Variants in ATF7 observed in about 807,000 individuals in gnomAD.
The protein encoded by ATF7 is cyclic AMP-dependent transcription factor ATF-7.
Under a neutral mutation model 50.4 loss-of-function variants are expected in ATF7, and 10 were observed. The ratio of observed to expected loss-of-function variants is 0.20; its 90% CI spans 0.12 to 0.34. ATF7 has a LOEUF of 0.34. Ranked by LOEUF, ATF7 falls within the 10% of genes least tolerant of loss-of-function variation. ATF7 has a pLI of 1.00. For synonymous variants in ATF7, 201 were observed against 226.4 expected (o/e 0.89, Z 1.01); for missense variants, 465 against 613.9 (o/e 0.76, Z 2.56).
chr12:53,607,024 C>T (rs1432229952), intron 1 of ATF7, among the ~76,000 whole-genome samples: 1 of 152,154 alleles, frequency 6.6e-6, no homozygotes. Context: ...TATAAACATA[C>T]GTGTGCATGT....
chr12:53,598,856 T>C (rs976431241), intron 2 of ATF7, among the ~76,000 whole-genome samples: 4 of 151,862 alleles, frequency 2.6e-5, no homozygotes, highest in Admixed American at 2.6e-4. Context: ...AGTTCAGGAG[T>C]AGTTTAAACA....
intron 11 of ATF7, among the ~76,000 whole-genome samples, chr12:53,518,065 A>G (rs1375893691): frequency 6.6e-6 from 1 of 151,130 alleles, no homozygotes; most frequent in African/African-American, 2.4e-5. Flanking sequence ...GGGTTTTGCC[A>G]CGTTAGCTAG....
At chr12:53,594,331 G>A (rs1943065083) in intron 2 of ATF7, among the ~76,000 whole-genome samples, 1 of 152,194 alleles carries the variant, frequency 6.6e-6, no homozygotes, top group Non-Finnish European at 1.5e-5. Context: ...AGGAAAACAA[G>A]AGGGAATAAC....
At chr12:53,601,447 A>AT (rs1257645020) in intron 1 of ATF7, among the ~76,000 whole-genome samples, 5 of 152,156 alleles carry the variant, frequency 3.3e-5, no homozygotes, top group Admixed American at 3.3e-4. Context: ...GGGGTGCTCC[A>AT]TTTTACAGGG....
chr12:53,594,144 G>A (rs992251340), intron 2 of ATF7, among the ~76,000 whole-genome samples: 2 of 152,228 alleles, frequency 1.3e-5, no homozygotes, highest in African/African-American at 4.8e-5. Context: ...TGAAAGACAG[G>A]CTCTAAGATT....
chr12:53,587,850 T>A lies in ATF7; in HGVS notation c.48+13103A>T, dbSNP rs1196631053. Among the ~76,000 whole-genome samples the A allele has an allele frequency of 2.6e-3, 337 of 130,324 alleles. 4 individuals are homozygous for A. In the East Asian group the frequency reaches 0.041, roughly 16 times the overall value. 85.5% of individuals were successfully genotyped at this position (130,324 alleles called of 152,430 possible). ...ATATATATATATATATATATTTTTT[T>A]TTTTTTTTCTTTTTGACACGAAGTC... is the stretch of plus-strand genomic sequence containing the variant. On this transcript the variant is annotated intron_variant, in intron 2 of 11. Transcript: ENST00000420353.
rs1944159530 is a variant in ATF7, at chr12:53,512,512, TC to T, written c.*4624del. 1 of 152,222 alleles carries T rather than the reference TC, an allele frequency of 6.6e-6. No individual in the cohort carries two copies. The highest frequency in any genetic ancestry group is 1.5e-5 in the Non-Finnish European group (1 of 68,054). The allele number at this position is 152,222 out of a possible 1,614,324, so 9.4% of individuals were successfully genotyped here. A position where few individuals can be genotyped will look rare whatever the true frequency, so the allele number is the denominator to read the frequency against. On this transcript the variant is annotated 3_prime_UTR_variant, in exon 12 of 12. Coordinates refer to ENST00000420353, the MANE Select transcript of ATF7 (RefSeq NM_006856.3). ...GATACTATGTTAGGATGTGGCAGCC[TC>T]CACTCTTGGGGCTGGAAGCTCATCT...
rs1393709543 is a variant in ATF7, at chr12:53,516,522, G to C, written c.*615C>G. The stretch of plus-strand genomic sequence containing the variant: ...AGGAATAAAGCTTATGGAAAAACTG[G>C]AAAATACTGCTACTTCATACATCAA... On this transcript the variant is annotated 3_prime_UTR_variant, in exon 12 of 12. Transcript: ENST00000420353. The C allele has an allele frequency of 6.5e-6, 1 of 153,010 alleles. No individual in the cohort carries two copies. The highest frequency in any genetic ancestry group is 1.5e-5 in the Non-Finnish European group (1 of 68,324). 9.5% of individuals were successfully genotyped at this position (153,010 alleles called of 1,614,324 possible).
intron 2 of ATF7, among the ~76,000 whole-genome samples, chr12:53,596,923 C>A (rs1183427983): frequency 6.6e-6 from 1 of 152,228 alleles, no homozygotes; most frequent in East Asian, 1.9e-4. Context: ...AACCAGTCCT[C>A]TGCCAAGAGG....
intron 1 of ATF7, among the ~76,000 whole-genome samples, chr12:53,611,867 T>G (rs1943892945): frequency 2.0e-5 from 3 of 152,132 alleles, no homozygotes; most frequent in Admixed American, 2.0e-4. Flanking sequence ...CTGCTGGTAT[T>G]ACAGACATGA....
intron 1 of ATF7, among the ~76,000 whole-genome samples, chr12:53,612,251 C>T (rs1943911742): frequency 6.6e-6 from 1 of 151,720 alleles, no homozygotes; most frequent in African/African-American, 2.4e-5. Context: ...GCTGGAATTA[C>T]AGGCATGAGC....
In ATF7 at chr12:53,524,848, C is replaced by T; in HGVS notation, c.928-87G>A. The T allele has an allele frequency of 8.0e-7, 1 of 1,246,124 alleles. No individual in the cohort carries two copies. Among genetic ancestry groups the T allele is most frequent in the East Asian group, 2.6e-5 (1 of 38,978 alleles). The allele number at this position is 1,246,124 out of a possible 1,614,324, so 77.2% of individuals were successfully genotyped here. A position where few individuals can be genotyped will look rare whatever the true frequency, so the allele number is the denominator to read the frequency against. ...CTGATGTTAGGTAGAGTAGTAAGAT[C>T]TGGTAAAAGGATATACCAGCCTCTG... On this transcript the variant is annotated intron_variant, in intron 9 of 11. Coordinates refer to ENST00000420353, the MANE Select transcript of ATF7 (RefSeq NM_006856.3). The surrounding 1 kb of genome is among the most constrained non-coding windows in gnomAD (Gnocchi z 4.6).
intron 4 of ATF7, among the ~76,000 whole-genome samples, chr12:53,540,825 C>A (rs1939508570): frequency 6.6e-6 from 1 of 152,152 alleles, no homozygotes; most frequent in Non-Finnish European, 1.5e-5. Flanking sequence ...TCATGGCTAA[C>A]TGCAACCTTG....
intron 1 of ATF7, among the ~76,000 whole-genome samples, chr12:53,614,937 AG>A (rs200402393): frequency 0.033 from 4,967 of 152,214 alleles, 152 homozygotes; most frequent in Non-Finnish European, 0.05. Flanking sequence ...AAAATTAGCC[AG>A]GCATGGTGGC....
chr12:53,575,069 C>T (rs1399573556), intron 2 of ATF7, among the ~76,000 whole-genome samples: 1 of 151,792 alleles, frequency 6.6e-6, no homozygotes, highest in Non-Finnish European at 1.5e-5. Context: ...GTCAGGAGTT[C>T]AACACCAGCC....
chr12:53,605,117 G>C (rs1204766461), intron 1 of ATF7, among the ~76,000 whole-genome samples: 1 of 152,126 alleles, frequency 6.6e-6, no homozygotes, highest in African/African-American at 2.4e-5. Flanking sequence ...AGCCAGGCAC[G>C]GTGGTTCATG....
intron 1 of ATF7, among the ~76,000 whole-genome samples, chr12:53,623,690 C>G (rs1944492400): frequency 6.6e-6 from 1 of 152,170 alleles, no homozygotes; most frequent in Admixed American, 6.5e-5. Context: ...TGCTGTAACA[C>G]TAACTCCCTC....
At chr12:53,599,298 T>A (rs972544019) in intron 2 of ATF7, among the ~76,000 whole-genome samples, 3 of 151,970 alleles carry the variant, frequency 2.0e-5, no homozygotes, top group Non-Finnish European at 4.4e-5. Context: ...CCTTGGACTC[T>A]GAAAGTGCTG....
At chr12:53,605,768 T>G (rs1242055787) in intron 1 of ATF7, among the ~76,000 whole-genome samples, 1 of 152,224 alleles carries the variant, frequency 6.6e-6, no homozygotes, top group Non-Finnish European at 1.5e-5. Flanking sequence ...TTATCTGTAA[T>G]CAAAAGAGGT....
Sources: gnomAD v4.1 joint callset for allele counts (sites outside exome capture counted in the v4.1 genomes callset) on GRCh38, gnomAD v4.1.1 for gene constraint, Gnocchi (gnomAD v3.1) non-coding constraint, MANE v1.5 for transcripts, NCBI Gene and HGNC (gene_info 2026-07-23, HGNC 2026-07-21) for gene names.